Variants in TDRD9 observed in about 807,000 individuals in gnomAD.
The protein encoded by TDRD9 is tudor domain containing 9, also known as ATP-dependent RNA helicase TDRD9.
In TDRD9, 124 loss-of-function variants were observed where a neutral mutation model predicts 172.6. That is an observed-to-expected ratio of 0.72 (90% CI 0.62 to 0.83). TDRD9 has a LOEUF of 0.83. Among genes scored for constraint, TDRD9 ranks in the 40% least tolerant of loss-of-function variants. TDRD9 has a pLI of 0.00. For synonymous variants in TDRD9, 619 were observed against 617.1 expected (o/e 1.00, Z -0.05); for missense variants, 1,479 against 1,714.1 (o/e 0.86, Z 2.42).
At chr14:104,012,826 T>C (rs1300980316) in intron 20 of TDRD9, among the ~76,000 whole-genome samples, 1 of 152,166 alleles carries the variant, frequency 6.6e-6, no homozygotes, top group African/African-American at 2.4e-5. Context: ...CTCAAACTCC[T>C]GTGCTTAAGC....
chr14:104,032,396 G>A (rs532787705), intron 30 of TDRD9, among the ~76,000 whole-genome samples: 94 of 152,116 alleles, frequency 6.2e-4, no homozygotes, highest in African/African-American at 2.0e-3. Flanking sequence ...TAGTACAGAC[G>A]GGGTTTCACC....
chr14:103,932,529 A>G (rs995829762), intron 1 of TDRD9, among the ~76,000 whole-genome samples: 2 of 152,118 alleles, frequency 1.3e-5, no homozygotes, highest in African/African-American at 4.8e-5. Flanking sequence ...CTGGGACTAC[A>G]GGCGCCCGCC....
At chr14:104,048,671 A>C (rs2035851901) in intron 34 of TDRD9, among the ~76,000 whole-genome samples, 1 of 151,962 alleles carries the variant, frequency 6.6e-6, no homozygotes, top group South Asian at 2.1e-4. Context: ...CCCCTCCATC[A>C]GTCAGGGATG....
chr14:104,001,472 T>C (rs1265655934), intron 13 of TDRD9, among the ~76,000 whole-genome samples: 1 of 152,140 alleles, frequency 6.6e-6, no homozygotes, highest in Non-Finnish European at 1.5e-5. Context: ...ACATTTGAGG[T>C]TTTTCCAATT....
chr14:103,988,542 C>T (rs1355049680), intron 8 of TDRD9, among the ~76,000 whole-genome samples: 5 of 152,000 alleles, frequency 3.3e-5, no homozygotes, highest in Non-Finnish European at 7.4e-5. Flanking sequence ...TTGTTTAATC[C>T]ATTTACATTT....
chr14:103,981,098 C>G (rs2033457226), intron 7 of TDRD9, among the ~76,000 whole-genome samples: 1 of 152,148 alleles, frequency 6.6e-6, no homozygotes, highest in African/African-American at 2.4e-5. Context: ...CCCTCGGTCT[C>G]TTGCCTCGGC....
At chr14:103,944,065 C>G (rs1043376724) in intron 1 of TDRD9, among the ~76,000 whole-genome samples, 1 of 152,212 alleles carries the variant, frequency 6.6e-6, no homozygotes, top group Admixed American at 6.5e-5. Context: ...TGAATAACCT[C>G]CTTGTTACTG....
At chr14:104,034,126 A>T in intron 31 of TDRD9, 57 bp downstream of exon 31, 1 of 1,039,120 alleles carries the variant, frequency 9.6e-7, no homozygotes, top group South Asian at 1.4e-5. Flanking sequence ...CCTTGACTTC[A>T]GCTACTAGGA....
In TDRD9 at chr14:103,941,969, C is replaced by A. The variant is rs184192388; in HGVS notation, c.215+13245C>A. ...GATAACATATAGACTGAATGATATC[C>A]GAAAATAACACTAACACTTGCTGTG... On this transcript the variant is annotated intron_variant, in intron 1 of 35. Transcript: ENST00000409874. The A allele has an allele frequency of 1.7e-4, 64 of 373,240 alleles. No individual in the cohort carries two copies. The East Asian group carries it at 3.1e-3, about 18-fold the overall frequency. The allele number at this position is 373,240 out of a possible 1,614,324, so 23.1% of individuals were successfully genotyped here. A position where few individuals can be genotyped will look rare whatever the true frequency, so the allele number is the denominator to read the frequency against.
At chr14:103,940,189 T>G (rs1381005761) in intron 1 of TDRD9, among the ~76,000 whole-genome samples, 2 of 152,212 alleles carry the variant, frequency 1.3e-5, no homozygotes, top group Non-Finnish European at 2.9e-5. Flanking sequence ...GCTACTCATG[T>G]TGCTAAATCA....
At chr14:104,004,097 T>C (rs2034353026) in intron 13 of TDRD9, 141 bp from the exon 14 acceptor site, 2 of 464,976 alleles carry the variant, frequency 4.3e-6, no homozygotes, top group East Asian at 6.3e-5. Flanking sequence ...TAATGTATTC[T>C]AAAGTTTTTA....
intron 1 of TDRD9, among the ~76,000 whole-genome samples, chr14:103,929,704 G>GTTTTAATAATTTT (rs1244404860): frequency 1.3e-5 from 2 of 152,188 alleles, no homozygotes; most frequent in East Asian, 1.9e-4. Context: ...ATTTTTAATA[G>GTTTTAATAATTTT]AGACAGGGTT....
chr14:103,947,581 C>G (rs1468238410), intron 1 of TDRD9, among the ~76,000 whole-genome samples: 1 of 152,140 alleles, frequency 6.6e-6, no homozygotes, highest in Admixed American at 6.6e-5. Context: ...CCCGCCTTGG[C>G]CTCCCAAAGT....
At position 104,016,175 on chromosome 14, in the gene TDRD9, T is replaced by A; in HGVS notation, c.2331+87T>A. 4.3e-6 allele frequency: 4 copies of A among 920,570 alleles called. No homozygotes were observed. The South Asian group carries it at 6.4e-5, about 15-fold the overall frequency. 57.0% of individuals were successfully genotyped at this position (920,570 alleles called of 1,614,324 possible). A position where few individuals can be genotyped will look rare whatever the true frequency, so the allele number is the denominator to read the frequency against. On this transcript the variant is annotated intron_variant, in intron 22 of 35. Coordinates refer to ENST00000409874, the MANE Select transcript of TDRD9 (RefSeq NM_153046.3). The stretch of plus-strand genomic sequence containing the variant: ...TAATTGTTTCTATTCTTGTGAGTCC[T>A]AAGTGAATTTTCCCCTGGCGTGAAT...
At chr14:103,987,440 C>T (rs2033712167) in intron 8 of TDRD9, among the ~76,000 whole-genome samples, 1 of 152,098 alleles carries the variant, frequency 6.6e-6, no homozygotes, top group African/African-American at 2.4e-5. Flanking sequence ...ATTAGTTCTG[C>T]TATGTTGTGT....
Position 104,022,240 on chromosome 14 carries a change from T to C in TDRD9, c.2516T>C (p.Leu839Pro), listed in dbSNP as rs1366265628. The stretch of plus-strand genomic sequence containing the variant: ...TATATGGCAATTAAGATGTCTCAAC[T>C]AAAAGTTTCACTTGAACTCAGCGTT... ...AVYMAIKMSQLKVSLELSVHS... is the reference protein window; with the variant it reads ...AVYMAIKMSQPKVSLELSVHS... The change falls in exon 24 of 36, where the codon CTA becomes CCA. Residue 839 changes from leucine to proline, a missense_variant. By Grantham distance (98) the Leu-to-Pro change is moderately conservative. Transcript: ENST00000409874. 2 of 1,610,502 alleles carry C rather than the reference T, an allele frequency of 1.2e-6. No homozygotes were observed. The highest frequency in any genetic ancestry group is 1.3e-5 in the African/African-American group (1 of 74,908).
intron 8 of TDRD9, 106 bp from the exon 9 acceptor site, chr14:103,991,053 AC>A: frequency 7.9e-7 from 1 of 1,267,998 alleles, no homozygotes. Flanking sequence ...ACATTGGATG[AC>A]CTGTAAGAGC....
At chr14:104,005,815 A>ATGAT (rs1425286555) in intron 15 of TDRD9, among the ~76,000 whole-genome samples, 1 of 151,986 alleles carries the variant, frequency 6.6e-6, no homozygotes, top group Admixed American at 6.6e-5. Flanking sequence ...CTTCTTTATT[A>ATGAT]TGATTGATTG....
chr14:104,015,710 C>T (rs1169822682), intron 21 of TDRD9, among the ~76,000 whole-genome samples: 1 of 152,142 alleles, frequency 6.6e-6, no homozygotes, highest in Non-Finnish European at 1.5e-5. Flanking sequence ...CCACTGTTTC[C>T]CAAGCCTCAT....
Sources: allele counts gnomAD v4.1 joint callset (sites outside exome capture counted in the v4.1 genomes callset), GRCh38; gene constraint gnomAD v4.1.1; transcripts MANE v1.5; gene names NCBI Gene and HGNC (gene_info 2026-07-23, HGNC 2026-07-21).